The following CDC42BPA variants were observed in gnomAD, a reference collection of about 807,000 sequenced individuals.
CDC42BPA encodes CDC42 binding protein kinase alpha.
Under a neutral mutation model 223.5 loss-of-function variants are expected in CDC42BPA, and 80 were observed. That is an observed-to-expected ratio of 0.36 (90% CI 0.30 to 0.43). The LOEUF is 0.43. Ranked by LOEUF, CDC42BPA falls within the 20% of genes least tolerant of loss-of-function variation. The pLI is 1.00. For synonymous variants in CDC42BPA, 694 were observed against 718.6 expected, an observed-to-expected ratio of 0.97 and a Z score of 0.55; for missense variants, 1,743 against 2,099.9, an observed-to-expected ratio of 0.83 and a Z score of 3.32.
intron 3 of CDC42BPA, among the ~76,000 whole-genome samples, chr1:227,203,837 C>G (rs6695923): frequency 0.69 from 104,560 of 152,080 alleles, 36,142 homozygotes; most frequent in South Asian, 0.73. Context: ...GAATGCCTAT[C>G]TTGAAACACA....
At chr1:227,206,398 A>C (rs1215393551) in intron 3 of CDC42BPA, among the ~76,000 whole-genome samples, 1 of 152,202 alleles carries the variant, frequency 6.6e-6, no homozygotes, top group Non-Finnish European at 1.5e-5. Flanking sequence ...AAAAGAGAGG[A>C]GGCTTCCTAG....
rs765251569 is a variant in CDC42BPA at position 227,145,748 on chromosome 1, A to G, written c.895-11T>C. 3.8e-6 allele frequency: 6 copies of G among 1,595,590 alleles called. No individual in the cohort carries two copies. The highest frequency in any genetic ancestry group is 1.3e-5 in the African/African-American group (1 of 74,124). On this transcript the variant is annotated splice_polypyrimidine_tract_variant and intron_variant, in intron 7 of 36. Transcript: ENST00000366766. ...AAACTGAAACCTCTCCTAAACAGAGAAAAACAGAAACAAAATATAAATCAG... is the reference window on the plus strand; with the variant it reads ...AAACTGAAACCTCTCCTAAACAGAGGAAAACAGAAACAAAATATAAATCAG...
At chr1:227,048,113 G>A in intron 22 of CDC42BPA, 103 bp from the exon 23 acceptor site, 4 of 603,598 alleles carry the variant, frequency 6.6e-6, no homozygotes, top group East Asian at 5.9e-5. Context: ...ACATCAATAA[G>A]GCAAAAAGTT....
chr1:227,203,546 A>C (rs950412106), intron 3 of CDC42BPA, among the ~76,000 whole-genome samples: 4 of 152,086 alleles, frequency 2.6e-5, no homozygotes, highest in African/African-American at 9.7e-5. Context: ...AGTAACATCT[A>C]CTTCATTACC....
intron 2 of CDC42BPA, among the ~76,000 whole-genome samples, chr1:227,253,273 C>G (rs538694407): frequency 3.8e-5 from 4 of 106,426 alleles, no homozygotes; most frequent in Non-Finnish European, 8.6e-5. Context: ...AGAGAGCGCG[C>G]GCGCGTGCGC....
intron 26 of CDC42BPA, 28 bp from the exon 27 acceptor site, chr1:227,033,443 TA>T (rs764299067): frequency 6.7e-7 from 1 of 1,493,286 alleles, no homozygotes; most frequent in South Asian, 1.1e-5. Flanking sequence ...CATTAAAAGT[TA>T]CTATATGTGG....
intron 16 of CDC42BPA, among the ~76,000 whole-genome samples, chr1:227,087,790 G>T (rs1247112069): frequency 6.6e-6 from 1 of 152,144 alleles, no homozygotes; most frequent in African/African-American, 2.4e-5. Flanking sequence ...TTGCTTTTTA[G>T]TATTTTTTTA....
intron 5 of CDC42BPA, among the ~76,000 whole-genome samples, chr1:227,191,551 C>T (rs1669706446): frequency 6.6e-6 from 1 of 152,020 alleles, no homozygotes. Context: ...ACTACAAATA[C>T]CTCATATTTA....
chr1:227,228,785 T>C (rs986752460), intron 2 of CDC42BPA, among the ~76,000 whole-genome samples: 1 of 152,224 alleles, frequency 6.6e-6, no homozygotes, highest in African/African-American at 2.4e-5. Flanking sequence ...CCAGTGATGT[T>C]GAGCATCTTT....
chr1:227,285,696 C>T (rs975192052), intron 1 of CDC42BPA, among the ~76,000 whole-genome samples: 11 of 152,130 alleles, frequency 7.2e-5, no homozygotes, highest in African/African-American at 2.2e-4. Context: ...ATGGGATTAT[C>T]GAATGAGAAT....
chr1:227,215,209 G>T (rs11801282), intron 2 of CDC42BPA, among the ~76,000 whole-genome samples: 1 of 152,096 alleles, frequency 6.6e-6, no homozygotes, highest in Non-Finnish European at 1.5e-5. Flanking sequence ...CTGTGCAGTA[G>T]GAATAATGAT....
intron 22 of CDC42BPA, among the ~76,000 whole-genome samples, chr1:227,049,658 G>C (rs961356635): frequency 1.3e-5 from 2 of 152,114 alleles, no homozygotes; most frequent in Non-Finnish European, 2.9e-5. Context: ...TAGAGTGAAA[G>C]TAATTGTAAT....
intron 2 of CDC42BPA, among the ~76,000 whole-genome samples, chr1:227,224,255 T>TG (rs1408244536): frequency 3.3e-5 from 5 of 149,574 alleles, no homozygotes; most frequent in Non-Finnish European, 7.4e-5. Flanking sequence ...TTTTTTGAGA[T>TG]GGAGTTTCGC....
rs115859573 is a variant in CDC42BPA, at chr1:227,032,399, T to A, written c.3559-885A>T. ...TGACCTTCCTTAGATACAAGATTCATAGACAAATATAGGGAGATAGGCATA... is the reference window on the plus strand; with the variant it reads ...TGACCTTCCTTAGATACAAGATTCAAAGACAAATATAGGGAGATAGGCATA... On this transcript the variant is annotated intron_variant, in intron 27 of 36. Transcript: ENST00000366766. Among the ~76,000 whole-genome samples the A allele has an allele frequency of 8.0e-4, 121 of 152,174 alleles. 1 individual carries two copies. Among genetic ancestry groups the A allele is most frequent in the African/African-American group, 2.8e-3 (116 of 41,540 alleles).
chr1:227,250,334 A>C (rs1334519492), intron 2 of CDC42BPA, among the ~76,000 whole-genome samples: 1 of 152,046 alleles, frequency 6.6e-6, no homozygotes, highest in Non-Finnish European at 1.5e-5. Flanking sequence ...CTAAAAATAC[A>C]AAAACTAGCC....
At chr1:227,126,353 A>G (rs1246951251) in intron 11 of CDC42BPA, among the ~76,000 whole-genome samples, 1 of 152,064 alleles carries the variant, frequency 6.6e-6, no homozygotes, top group Non-Finnish European at 1.5e-5. Flanking sequence ...GTTGCTTCAG[A>G]AAGGATGCAT....
At chr1:227,256,485 A>G (rs368550385) in intron 1 of CDC42BPA, among the ~76,000 whole-genome samples, 7 of 152,284 alleles carry the variant, frequency 4.6e-5, no homozygotes. Context: ...TAAAAGTAAA[A>G]TAATATATAT....
intron 23 of CDC42BPA, among the ~76,000 whole-genome samples, chr1:227,047,368 T>A (rs1672659538): frequency 6.6e-6 from 1 of 152,152 alleles, no homozygotes; most frequent in African/African-American, 2.4e-5. Context: ...CAGTTATATT[T>A]TTTGTATATT....
intron 12 of CDC42BPA, among the ~76,000 whole-genome samples, chr1:227,114,200 A>C (rs1245347113): frequency 6.6e-6 from 1 of 152,078 alleles, no homozygotes; most frequent in Non-Finnish European, 1.5e-5. Flanking sequence ...AAGAAATCAG[A>C]GGGAAAGAAA....
Sources: gnomAD v4.1 joint callset for allele counts (sites outside exome capture counted in the v4.1 genomes callset) on GRCh38, gnomAD v4.1.1 for gene constraint, MANE v1.5 for transcripts, NCBI Gene and HGNC (gene_info 2026-07-23, HGNC 2026-07-21) for gene names.